The following ADAMTSL1 variants were observed in gnomAD, a reference collection of about 807,000 sequenced individuals.
The protein encoded by ADAMTSL1 is ADAMTS-like protein 1.
In ADAMTSL1, 126 loss-of-function variants were observed where a neutral mutation model predicts 201.8. The observed-to-expected ratio is 0.62, with a 90% CI of 0.54 to 0.72. The LOEUF (loss-of-function observed/expected upper bound fraction) is 0.72. ADAMTSL1 is among the 30% of genes least tolerant of loss of function. The probability of loss-of-function intolerance (pLI) is 0.00; values close to 1 mark genes in which losing one functional copy is unlikely to be tolerated. For synonymous variants in ADAMTSL1, 1,121 were observed against 903.4 expected (o/e 1.24, Z -4.32); for missense variants, 2,679 against 2,277.8 (o/e 1.18, Z -3.59).
At chr9:18,848,615 T>C (rs1826283317) in intron 23 of ADAMTSL1, among the ~76,000 whole-genome samples, 1 of 152,144 alleles carries the variant, frequency 6.6e-6, no homozygotes, top group Non-Finnish European at 1.5e-5. Context: ...GATCAGGCCC[T>C]CCATGCAGCC....
intron 13 of ADAMTSL1, among the ~76,000 whole-genome samples, chr9:18,697,928 C>T (rs1179472877): frequency 6.6e-6 from 1 of 152,130 alleles, no homozygotes; most frequent in South Asian, 2.1e-4. Context: ...GAAAAAATAG[C>T]AATGTGAAGT....
intron 2 of ADAMTSL1, among the ~76,000 whole-genome samples, chr9:18,310,994 C>T (rs1224312048): frequency 6.6e-6 from 1 of 151,888 alleles, no homozygotes; most frequent in Non-Finnish European, 1.5e-5. Context: ...GAAAATGTGG[C>T]ACATATACAC....
chr9:18,196,801 G>GA (rs1829201088), intron 2 of ADAMTSL1, among the ~76,000 whole-genome samples: 1 of 151,934 alleles, frequency 6.6e-6, no homozygotes, highest in Non-Finnish European at 1.5e-5. Flanking sequence ...GCACCTTAGG[G>GA]ACTTTGCCCA....
intron 20 of ADAMTSL1, among the ~76,000 whole-genome samples, chr9:18,814,268 C>T (rs1395791431): frequency 6.6e-6 from 1 of 152,140 alleles, no homozygotes; most frequent in Non-Finnish European, 1.5e-5. Flanking sequence ...TTTTAATGTG[C>T]TGTTGAATTT....
chr9:18,718,285 A>G (rs1050001918), intron 14 of ADAMTSL1: 9 of 749,866 alleles, frequency 1.2e-5, no homozygotes, highest in South Asian at 6.9e-5. Flanking sequence ...TTGATGGAAT[A>G]AACTAATGCA....
chr9:18,753,290 C>A lies in ADAMTSL1; in HGVS notation c.2007-8C>A. On this transcript the variant is annotated splice_region_variant and splice_polypyrimidine_tract_variant and intron_variant, in intron 15 of 28. Coordinates refer to ENST00000380548, the MANE Select transcript of ADAMTSL1 (RefSeq NM_001040272.6). ...GGTGTGTCCTCTTCCTCTCTGATTT[C>A]TTCTCAGGTGGGAAATTGGCAAGTG... 2 of 1,608,148 alleles carry A rather than the reference C, an allele frequency of 1.2e-6. No homozygotes were observed. The highest frequency in any genetic ancestry group is 1.7e-6 in the Non-Finnish European group (2 of 1,177,334).
chr9:18,718,493 C>A, intron 14 of ADAMTSL1: 1 of 567,920 alleles, frequency 1.8e-6, no homozygotes, highest in Non-Finnish European at 3.5e-6. Flanking sequence ...TCCAACGCCT[C>A]CTGGGCCAAG....
At position 17,936,923 on chromosome 9, in the gene ADAMTSL1, T is replaced by G. The variant is rs73416817; in HGVS notation, c.87+30001T>G. Among the ~76,000 whole-genome samples, 1,202 of 152,220 alleles carry G rather than the reference T, an allele frequency of 7.9e-3. 9 individuals are homozygous for G. Among genetic ancestry groups the G allele is most frequent in the African/African-American group, 0.027 (1,122 of 41,554 alleles). ...GGCTTTTGGTCTGAGGGTAGCATGT[T>G]TGGGTTGGGTTGTTGGAGGGGTTTC... On this transcript the variant is annotated intron_variant, in intron 1 of 29. Coordinates refer to the ADAMTSL1 transcript ENST00000680146.
intron 2 of ADAMTSL1, among the ~76,000 whole-genome samples, chr9:18,419,772 G>C (rs900903472): frequency 7.3e-6 from 1 of 137,698 alleles, no homozygotes; most frequent in Non-Finnish European, 1.5e-5. Flanking sequence ...TTGCTCTGTC[G>C]CTCAGGCTGG....
chr9:18,555,925 G>A (rs1425876630), intron 3 of ADAMTSL1, among the ~76,000 whole-genome samples: 1 of 151,884 alleles, frequency 6.6e-6, no homozygotes, highest in Non-Finnish European at 1.5e-5. Context: ...ACACCATGTA[G>A]AAAGGAGAAA....
intron 1 of ADAMTSL1, among the ~76,000 whole-genome samples, chr9:18,108,268 A>G (rs986812657): frequency 6.8e-6 from 1 of 147,014 alleles, no homozygotes; most frequent in Non-Finnish European, 1.5e-5. Flanking sequence ...TGACACCATC[A>G]TGGCTCACAG....
At chr9:18,538,680 C>T (rs970475356) in intron 3 of ADAMTSL1, among the ~76,000 whole-genome samples, 6 of 152,172 alleles carry the variant, frequency 3.9e-5, no homozygotes, top group African/African-American at 1.4e-4. Context: ...TCCATCTTGA[C>T]TGGTGATTCT....
At chr9:18,217,959 G>C (rs1304221473) in intron 2 of ADAMTSL1, among the ~76,000 whole-genome samples, 4 of 152,056 alleles carry the variant, frequency 2.6e-5, no homozygotes, top group African/African-American at 9.6e-5. Flanking sequence ...GCTGGAATTT[G>C]AAGTTCTTTT....
rs1224792361 is a variant in ADAMTSL1 at position 18,764,782 on chromosome 9, T to A, written c.2218-5820T>A. Among the ~76,000 whole-genome samples, 5 of 152,346 alleles carry A rather than the reference T, an allele frequency of 3.3e-5. No individual in the cohort carries two copies. In the East Asian group the frequency reaches 9.6e-4, roughly 29 times the overall value. On this transcript the variant is annotated intron_variant, in intron 16 of 28. Coordinates refer to ENST00000380548, the MANE Select transcript of ADAMTSL1 (RefSeq NM_001040272.6). The stretch of plus-strand genomic sequence containing the variant: ...CTAGACTTTATCTTCTTACCATTGA[T>A]AATATCCTAAAAGCTTTATGTATAC...
intron 1 of ADAMTSL1, among the ~76,000 whole-genome samples, chr9:17,925,622 G>A (rs1333416811): frequency 3.9e-5 from 5 of 128,616 alleles, no homozygotes; most frequent in African/African-American, 5.6e-5. Context: ...ACCAAACACC[G>A]CATATTCTCA....
chr9:18,815,729 AAAAAAAGAG>A (rs1370503337), intron 20 of ADAMTSL1, among the ~76,000 whole-genome samples: 5 of 149,832 alleles, frequency 3.3e-5, no homozygotes, highest in African/African-American at 1.2e-4. Flanking sequence ...AAAAAAAAAA[AAAAAAAGAG>A]AAAAAAAAAA....
chr9:18,185,464 C>T (rs559014022), intron 2 of ADAMTSL1, among the ~76,000 whole-genome samples: 48 of 152,234 alleles, frequency 3.2e-4, no homozygotes, highest in Non-Finnish European at 3.7e-4. Context: ...GCTATGCACA[C>T]GGTCCTGACC....
chr9:18,834,908 T>C (rs1174050311), intron 23 of ADAMTSL1, among the ~76,000 whole-genome samples: 1 of 152,240 alleles, frequency 6.6e-6, no homozygotes, highest in Non-Finnish European at 1.5e-5. Context: ...TTCTGGTTAT[T>C]ACAAATCTGC....
intron 2 of ADAMTSL1, among the ~76,000 whole-genome samples, chr9:18,432,270 G>A (rs1316056465): frequency 1.3e-5 from 2 of 152,124 alleles, no homozygotes; most frequent in East Asian, 3.9e-4. Context: ...CTTTATATTG[G>A]CATTAATATA....
Sources: gnomAD v4.1 joint callset for allele counts (sites outside exome capture counted in the v4.1 genomes callset) on GRCh38, gnomAD v4.1.1 for gene constraint, MANE v1.5 for transcripts, NCBI Gene and HGNC (gene_info 2026-07-23, HGNC 2026-07-21) for gene names.